CP: variants seen among roughly 807,000 people sequenced by gnomAD.
CP encodes the protein ceruloplasmin.
CP carries 64 observed loss-of-function variants against 122.4 expected under a neutral mutation model. The ratio of observed to expected loss-of-function variants is 0.52; its 90% CI spans 0.43 to 0.64. The LOEUF is 0.64. Ranked by LOEUF, CP falls within the 30% of genes least tolerant of loss-of-function variation. CP has a pLI of 0.00. For synonymous variants in CP, 440 were observed against 436.4 expected (o/e 1.01, Z -0.10); for missense variants, 1,167 against 1,284.4 (o/e 0.91, Z 1.40).
chr3:149,211,234 A>C (rs1189756976), intron 2 of CP, among the ~76,000 whole-genome samples: 6 of 152,224 alleles, frequency 3.9e-5, no homozygotes, highest in Non-Finnish European at 5.9e-5. Flanking sequence ...TAATTTCCCT[A>C]TTCGATCATT....
At chr3:149,178,658 C>A in intron 15 of CP, 27 bp from the exon 16 acceptor site, 1 of 1,505,654 alleles carries the variant, frequency 6.6e-7, no homozygotes, top group Non-Finnish European at 9.2e-7. Context: ...TCTTCAGTAA[C>A]CCTTGTGAAT....
intron 6 of CP, 147 bp from the exon 7 acceptor site, chr3:149,202,388 T>A: frequency 1.0e-6 from 1 of 1,000,280 alleles, no homozygotes; most frequent in Non-Finnish European, 1.5e-6. Flanking sequence ...TACCAGTTAC[T>A]CAAACAAAGC....
chr3:149,199,487 A>G (rs186152775), intron 8 of CP, among the ~76,000 whole-genome samples: 1 of 152,336 alleles, frequency 6.6e-6, no homozygotes, highest in East Asian at 1.9e-4. Context: ...CAACTAAATT[A>G]CTATCAGGAT....
At position 149,212,456 on chromosome 3, in the gene CP, T is replaced by A. The variant is rs747953840; in HGVS notation, c.389A>T (p.His130Leu). The A allele has an allele frequency of 3.7e-6, 6 of 1,613,986 alleles. No individual in the cohort carries two copies. The highest frequency in any genetic ancestry group is 2.2e-5 in the East Asian group (1 of 44,844). The change falls in exon 2 of 19, where the codon CAT (histidine) becomes CTT (leucine). Residue 130 changes from histidine (H) to leucine (L), a missense_variant. His to Leu is a moderately conservative substitution (Grantham distance 99). This residue lies in a region of CP where 642 missense variants were observed against 627.3 expected (regional missense o/e 1.02). Coordinates refer to ENST00000264613, the MANE Select transcript of CP (RefSeq NM_000096.4). ...HSHGITYYKE[H>L]EGAIYPDNTT... is the part of the protein sequence containing the mutation. ...GCTACATGAGCTGAACTTACCCTCA[T>A]GTTCCTTATAGTAAGTTATTCCATG...
In CP at chr3:149,186,375, C is replaced by T. The variant is rs1208592281; in HGVS notation, c.2077+145G>A. ...GGTACATACTTCAGCTGATAGTGGC[C>T]TAGACTTGCTCTTTCAAAGATAGGA... On this transcript the variant is annotated intron_variant, in intron 11 of 18. Coordinates refer to ENST00000264613, the MANE Select transcript of CP (RefSeq NM_000096.4). 3.9e-6 allele frequency: 3 copies of T among 761,048 alleles called. No individual in the cohort carries two copies. In the East Asian group the frequency reaches 8.0e-5, roughly 20 times the overall value. The allele number at this position is 761,048 out of a possible 1,614,324, so 47.1% of individuals were successfully genotyped here. A position where few individuals can be genotyped will look rare whatever the true frequency, so the allele number is the denominator to read the frequency against.
rs1559957783 is a variant in CP, at chr3:149,209,364, CT to C, written c.627del (p.Glu210LysfsTer10). 6.2e-7 allele frequency: 1 copy of C among 1,613,454 alleles called. No individual in the cohort carries two copies. The highest frequency in any genetic ancestry group is 1.7e-5 in the Admixed American group (1 of 59,964). ...ACAAATTCTCGGTCAATATGTTTTT[CT>C]TTTTCTTTATCTAGAGAATCTGGAG... Reference protein sequence around the residue: ...ICKKDSLDKEKEKHIDREFVV... With the variant: ...ICKKDSLDKEXEKHIDREFVV... On this transcript the variant is annotated frameshift_variant, in exon 4 of 19. Transcript: ENST00000264613. LOFTEE classifies it high-confidence loss of function.
rs778533284 is a variant in CP at position 149,210,246 on chromosome 3, A to G, written c.528T>C (p.Thr176=). The change falls in exon 3 of 19, where the codon ACT becomes ACC. Residue 176 remains threonine (T), a synonymous_variant. Coordinates refer to ENST00000264613, the MANE Select transcript of CP (RefSeq NM_000096.4). ...CATCAATGTGGGAATGGTAAATCCT[A>G]GTCACACAATTGCCATCTCCTTCCC... ...SPGEGDGNCV[T]RIYHSHIDAP... is the part of the protein sequence containing the mutation. The G allele has an allele frequency of 2.5e-6, 4 of 1,614,084 alleles. No individual in the cohort carries two copies. The Admixed American group carries it at 6.7e-5, about 27-fold the overall frequency.
intron 8 of CP, 121 bp from the exon 9 acceptor site, chr3:149,198,699 A>G: frequency 1.2e-6 from 1 of 832,962 alleles, no homozygotes; most frequent in Non-Finnish European, 2.0e-6. Flanking sequence ...ATAAATTAGA[A>G]TGGAATCCCA....
intron 2 of CP, 48 bp from the exon 3 acceptor site, chr3:149,210,427 TA>T (rs1358494793): frequency 1.4e-6 from 2 of 1,462,282 alleles, no homozygotes; most frequent in Admixed American, 3.3e-5. Context: ...TGTTTGAACT[TA>T]AATGAGAGAA....
chr3:149,214,128 G>A (rs1206050534), intron 1 of CP, among the ~76,000 whole-genome samples: 1 of 152,142 alleles, frequency 6.6e-6, no homozygotes, highest in Non-Finnish European at 1.5e-5. Flanking sequence ...TGAAGATTAA[G>A]AGAGCTGCCC....
chr3:149,175,757 G>T (rs556937179), intron 18 of CP, among the ~76,000 whole-genome samples: 1 of 151,334 alleles, frequency 6.6e-6, no homozygotes, highest in South Asian at 2.1e-4. Flanking sequence ...TTTCTTCCCT[G>T]GATCTTTCAC....
chr3:149,206,834 GT>G (rs1727761246), intron 5 of CP, among the ~76,000 whole-genome samples: 1 of 152,144 alleles, frequency 6.6e-6, no homozygotes, highest in African/African-American at 2.4e-5. Context: ...ATATTTGCAC[GT>G]CAAAGTAAAA....
chr3:149,215,125 T>A (rs1469245338), intron 1 of CP, among the ~76,000 whole-genome samples: 2 of 152,224 alleles, frequency 1.3e-5, no homozygotes, highest in African/African-American at 4.8e-5. Context: ...ACATCTTACA[T>A]AGGCCAAAGT....
At chr3:149,198,135 G>A (rs1485280591) in intron 9 of CP, among the ~76,000 whole-genome samples, 5 of 152,198 alleles carry the variant, frequency 3.3e-5, no homozygotes, top group African/African-American at 1.2e-4. Flanking sequence ...TAAAAAGTCA[G>A]TTGGGGAAAT....
At chr3:149,171,834 A>G (rs1436516853), downstream of CP, among the ~76,000 whole-genome samples, 1 of 151,484 alleles carries the variant, frequency 6.6e-6, no homozygotes, top group African/African-American at 2.4e-5. Flanking sequence ...CCTCCTGAGT[A>G]GCTAGGATTA....
At chr3:149,199,366 C>T (rs1727139310) in intron 8 of CP, among the ~76,000 whole-genome samples, 1 of 151,992 alleles carries the variant, frequency 6.6e-6, no homozygotes, top group Admixed American at 6.6e-5. Flanking sequence ...TTTTTGCTAC[C>T]TTTCTATATT....
rs1298195353 is a variant in CP at position 149,175,815 on chromosome 3, G to T, written c.3181+435C>A. On this transcript the variant is annotated intron_variant, in intron 18 of 18. Coordinates refer to ENST00000264613, the MANE Select transcript of CP (RefSeq NM_000096.4). ...TCCTTCCCCTTGGAAGCACAGAAAA[G>T]ACACTGCCTATTTGAAATTATATTA... Among the ~76,000 whole-genome samples, 3 of 152,056 alleles carry T rather than the reference G, an allele frequency of 2.0e-5. No homozygotes were observed. The South Asian group carries it at 6.2e-4, about 31-fold the overall frequency.
intron 7 of CP, among the ~76,000 whole-genome samples, chr3:149,201,107 GGATT>G (rs10631065): frequency 0.011 from 1,631 of 151,590 alleles, 37 homozygotes; most frequent in African/African-American, 0.034. Context: ...TAGTAGCCTG[GGATT>G]GATTGATTGA....
chr3:149,216,512 T>C (rs942402708), intron 1 of CP, among the ~76,000 whole-genome samples: 3 of 152,180 alleles, frequency 2.0e-5, no homozygotes, highest in African/African-American at 7.2e-5. Flanking sequence ...ACATAAATCA[T>C]GAGAGTGATG....
Sources: allele counts gnomAD v4.1 joint callset (sites outside exome capture counted in the v4.1 genomes callset), GRCh38; gene constraint gnomAD v4.1.1; regional missense constraint gnomAD v4.1.1; transcripts MANE v1.5; gene names NCBI Gene and HGNC (gene_info 2026-07-23, HGNC 2026-07-21).